MUC13: variants seen among roughly 807,000 people sequenced by gnomAD.
The protein encoded by MUC13 is mucin 13, cell surface associated.
In MUC13, 32 loss-of-function variants were observed where a neutral mutation model predicts 48.3. The ratio of observed to expected loss-of-function variants is 0.66; its 90% CI spans 0.50 to 0.89. The LOEUF is 0.89. MUC13 is among the 40% of genes least tolerant of loss of function. The pLI, the probability that MUC13 is intolerant of heterozygous loss-of-function variation, is 0.00. For synonymous variants in MUC13, 199 were observed against 224.9 expected, an observed-to-expected ratio of 0.88 and a Z score of 1.03; for missense variants, 571 against 622.8, an observed-to-expected ratio of 0.92 and a Z score of 0.88.
intron 6 of MUC13, among the ~76,000 whole-genome samples, chr3:124,914,046 T>C (rs1401562387): frequency 6.6e-6 from 1 of 151,920 alleles, no homozygotes; most frequent in Admixed American, 6.6e-5. Context: ...TGAGCGAGAG[T>C]GAGACCTTGT....
intron 1 of MUC13, among the ~76,000 whole-genome samples, chr3:124,932,603 T>C (rs1257308369): frequency 6.6e-6 from 1 of 150,974 alleles, no homozygotes. Context: ...GAAAATCAGA[T>C]CCAAGTGCAG....
At chr3:124,926,643 C>A (rs1163810882) in intron 2 of MUC13, among the ~76,000 whole-genome samples, 1 of 152,144 alleles carries the variant, frequency 6.6e-6, no homozygotes, top group Non-Finnish European at 1.5e-5. Context: ...CTCACTGGGT[C>A]CCAGATTTCC....
At position 124,915,790 on chromosome 3, in the gene MUC13, A is replaced by G. The variant is rs566273906; in HGVS notation, c.964+527T>C. On this transcript the variant is annotated intron_variant, in intron 6 of 11. Transcript: ENST00000616727. ...AGCCTCAACCTCCTGGGCTTATGCA[A>G]TCCTCCCACCTCAGCCTCCCAAGTA... Among the ~76,000 whole-genome samples, 288 of 152,062 alleles carry G rather than the reference A, an allele frequency of 1.9e-3. 3 individuals are homozygous for G. The highest frequency in any genetic ancestry group is 1.1e-3 in the Non-Finnish European group (75 of 67,998).
At chr3:124,914,677 A>G (rs892213312) in intron 6 of MUC13, among the ~76,000 whole-genome samples, 2 of 152,194 alleles carry the variant, frequency 1.3e-5, no homozygotes, top group African/African-American at 4.8e-5. Flanking sequence ...CTGTAATCCC[A>G]GCACCTTGGG....
At chr3:124,921,048 A>C (rs776404610) in intron 4 of MUC13, among the ~76,000 whole-genome samples, 1 of 152,162 alleles carries the variant, frequency 6.6e-6, no homozygotes, top group Non-Finnish European at 1.5e-5. Flanking sequence ...TCCACGATAC[A>C]TTTTTTACAT....
rs767473624 is a variant in MUC13, at chr3:124,910,482, T to C, written c.1270A>G (p.Thr424Ala). 6.2e-7 allele frequency: 1 copy of C among 1,614,064 alleles called. No homozygotes were observed. Among genetic ancestry groups the C allele is most frequent in the South Asian group, 1.1e-5 (1 of 91,068 alleles). ...DCKDKFQLIL[T>A]IVGTIAGIVI... ...ATGCCAGCGATGGTGCCCACAATAG[T>C]GAGGATCAGCTGAAATTCTGAAAGG... The change falls in exon 10 of 12, where the codon ACT (threonine) becomes GCT (alanine). Residue 424 changes from threonine (T) to alanine (A), a missense_variant. Physicochemically the swap from Thr to Ala is moderately conservative, Grantham distance 58 (BLOSUM62 0). Transcript: ENST00000616727.
intron 9 of MUC13, 34 bp from the exon 10 acceptor site, chr3:124,910,533 A>C: frequency 6.2e-7 from 1 of 1,612,760 alleles, no homozygotes; most frequent in Non-Finnish European, 8.5e-7. Flanking sequence ...ACAGTCTCCA[A>C]CAAGCTGGCC....
Position 124,912,114 on chromosome 3 carries a change from G to C in MUC13, c.1242C>G (p.Asp414Glu), listed in dbSNP as rs758263715. Residue 414 changes from aspartate to glutamate, a missense_variant, in exon 9 of 12, where the codon GAC becomes GAG. Physicochemically the swap from Asp to Glu is conservative, Grantham distance 45. Coordinates refer to ENST00000616727, the MANE Select transcript of MUC13 (RefSeq NM_033049.4). ...GACTTTCATACTCACTGTCCTTACA[G>C]TCGAGTCCACTGTAGCCAAATGCAC... Reference protein sequence around the residue: ...QKCAFGYSGLDCKDKFQLILT... With the variant: ...QKCAFGYSGLECKDKFQLILT... The C allele has an allele frequency of 6.2e-7, 1 of 1,613,022 alleles. No homozygotes were observed. The highest frequency in any genetic ancestry group is 1.7e-5 in the Admixed American group (1 of 59,866).
At position 124,913,133 on chromosome 3, in the gene MUC13, C is replaced by A. The variant is rs747702858; in HGVS notation, c.1192G>T (p.Asp398Tyr). ...ECACVPGYQE[D>Y]ANGNCQKCAF... ...TACTTTTGGCAGTTCCCATTAGCAT[C>A]TTCCTGGTAGCCGGGCACGCACGCA... Residue 398 changes from aspartate to tyrosine, a missense_variant, in exon 8 of 12, where the codon GAT (aspartate) becomes TAT (tyrosine). Physicochemically the swap from Asp to Tyr is radical, Grantham distance 160. Transcript: ENST00000616727. 7.4e-6 allele frequency: 12 copies of A among 1,613,940 alleles called. No homozygotes were observed. The highest frequency in any genetic ancestry group is 1.0e-5 in the Non-Finnish European group (12 of 1,179,998).
intron 2 of MUC13, among the ~76,000 whole-genome samples, chr3:124,924,254 A>T (rs1935652439): frequency 1.3e-5 from 2 of 152,230 alleles, no homozygotes; most frequent in Non-Finnish European, 2.9e-5. Flanking sequence ...TAAGTGGATC[A>T]TCTGAATAAA....
In MUC13 at chr3:124,908,270, T is replaced by C; in HGVS notation, c.1416A>G (p.Thr472=). The change falls in exon 11 of 12, where the codon ACA becomes ACG. Residue 472 remains threonine, a synonymous_variant. Transcript: ENST00000616727. ...CTTCTGCTCCAAGATTGGTGAAGCC[T>C]GTCGACCGCAGTTTTAGATTTTGAA... ...EDFQNLKLRS[T]GFTNLGAEGS... is the part of the protein sequence containing the mutation. 6.2e-7 allele frequency: 1 copy of C among 1,614,248 alleles called. No homozygotes were observed. The highest frequency in any genetic ancestry group is 8.5e-7 in the Non-Finnish European group (1 of 1,180,048).
In MUC13 at chr3:124,916,494, G is replaced by T; in HGVS notation, c.801-14C>A. 1 of 1,601,916 alleles carries T rather than the reference G, an allele frequency of 6.2e-7. No homozygotes were observed. The highest frequency in any genetic ancestry group is 2.2e-5 in the East Asian group (1 of 44,596). On this transcript the variant is annotated splice_polypyrimidine_tract_variant and intron_variant, in intron 5 of 11. Transcript: ENST00000616727. Reference sequence around the variant, plus strand: ...GACAGAGATGTGCTAAAAATGAGATGAATCTGTCACTTAATGAATTGAACT... The same window carrying T: ...GACAGAGATGTGCTAAAAATGAGATTAATCTGTCACTTAATGAATTGAACT...
intron 1 of MUC13, among the ~76,000 whole-genome samples, chr3:124,931,206 G>A (rs886429884): frequency 2.6e-5 from 4 of 151,680 alleles, no homozygotes; most frequent in African/African-American, 4.8e-5. Flanking sequence ...GCTGAGGTGG[G>A]TGGATCATGA....
At chr3:124,931,699 G>A (rs925405699) in intron 1 of MUC13, among the ~76,000 whole-genome samples, 4 of 150,930 alleles carry the variant, frequency 2.7e-5, no homozygotes, top group Non-Finnish European at 4.4e-5. Context: ...AGTGAGCTGA[G>A]ATAGTGCCAT....
intron 11 of MUC13, among the ~76,000 whole-genome samples, chr3:124,907,151 CT>C (rs1356860934): frequency 6.6e-6 from 1 of 152,208 alleles, no homozygotes; most frequent in Admixed American, 6.5e-5. Flanking sequence ...GCTTTATCTC[CT>C]TTTTTAAAAA....
At chr3:124,910,384 A>C in intron 10 of MUC13, 31 bp downstream of exon 10, 2 of 1,599,776 alleles carry the variant, frequency 1.3e-6, no homozygotes, top group Admixed American at 1.8e-5. Flanking sequence ...ATAAAAAAAA[A>C]AAATTTAAAA....
chr3:124,914,264 G>A (rs569927544), intron 6 of MUC13, among the ~76,000 whole-genome samples: 42 of 152,154 alleles, frequency 2.8e-4, no homozygotes, highest in African/African-American at 9.4e-4. Context: ...ACAAAAATTC[G>A]CTGGGTGTGG....
At chr3:124,912,318 TC>T in intron 8 of MUC13, 177 bp from the exon 9 acceptor site, 1 of 893,776 alleles carries the variant, frequency 1.1e-6, no homozygotes, top group Non-Finnish European at 1.7e-6. Context: ...GAGACCACCT[TC>T]CATGGGGTTC....
rs1404836056 is a variant in MUC13, at chr3:124,934,718, C to T, written c.-6G>A. On this transcript the variant is annotated 5_prime_UTR_variant, in exon 1 of 12. Transcript: ENST00000616727. ...AGATGAATGATGGCTTTCATTTTAG[C>T]TGTTCTTGCTTGGTAATCTGAGGAG... The T allele has an allele frequency of 6.2e-7, 1 of 1,607,284 alleles. No homozygotes were observed. The highest frequency in any genetic ancestry group is 8.5e-7 in the Non-Finnish European group (1 of 1,174,168).
Sources: allele counts gnomAD v4.1 joint callset (sites outside exome capture counted in the v4.1 genomes callset), GRCh38; gene constraint gnomAD v4.1.1; transcripts MANE v1.5; gene names NCBI Gene and HGNC (gene_info 2026-07-23, HGNC 2026-07-21).